Variants in RHOBTB2 observed in about 807,000 individuals in gnomAD.
RHOBTB2 encodes the protein Rho related BTB domain containing 2, also known as rho-related BTB domain-containing protein 2.
Under a neutral mutation model 66.5 loss-of-function variants are expected in RHOBTB2, and 39 were observed. The observed-to-expected ratio is 0.59, with a 90% confidence interval of 0.45 to 0.77. The LOEUF (loss-of-function observed/expected upper bound fraction) is 0.77. RHOBTB2 is among the 30% of genes least tolerant of loss of function. The pLI is 0.00. For missense variants in RHOBTB2, 755 were observed against 999.1 expected, an observed-to-expected ratio of 0.76 and a Z score of 3.29; for synonymous variants, 390 against 395.0, an observed-to-expected ratio of 0.99 and a Z score of 0.15.
the RHOBTB2 span, among the ~76,000 whole-genome samples, chr8:22,973,005 G>A: frequency 1.8e-3 from 275 of 152,200 alleles, 1 homozygote; most frequent in African/African-American, 6.2e-3. Flanking sequence ...CTCCCTTGCC[G>A]GGAACTTCTC....
At chr8:22,965,327 C>G in the RHOBTB2 span, among the ~76,000 whole-genome samples, 2 of 152,016 alleles carry the variant, frequency 1.3e-5, no homozygotes, top group Non-Finnish European at 2.9e-5. Flanking sequence ...AGATTGGAAG[C>G]CTTAATGTTG....
chr8:23,019,845 C>G lies in RHOBTB2; in HGVS notation c.*2376C>G, dbSNP rs1811443416. 5.4e-6 allele frequency: 1 copy of G among 185,640 alleles called. No homozygotes were observed. Among genetic ancestry groups the G allele is most frequent in the East Asian group, 1.5e-4 (1 of 6,864 alleles). 11.5% of individuals were successfully genotyped at this position (185,640 alleles called of 1,614,324 possible). ...CAACCCGGCAGCCCAGAGAACTCTC[C>G]TGGGAGGCTGTGGGTGAGCCAGGCC... On this transcript the variant is annotated 3_prime_UTR_variant, in exon 10 of 10. Coordinates refer to ENST00000251822, the MANE Select transcript of RHOBTB2 (RefSeq NM_015178.3).
the RHOBTB2 span, among the ~76,000 whole-genome samples, chr8:22,971,942 C>T: frequency 6.6e-6 from 1 of 152,196 alleles, no homozygotes; most frequent in African/African-American, 2.4e-5. Flanking sequence ...TCCTGGTATC[C>T]AGCTGCCTCC....
rs1425728433 is a variant in RHOBTB2, at chr8:23,019,304, G to A, written c.*1835G>A. On this transcript the variant is annotated 3_prime_UTR_variant, in exon 10 of 10. Coordinates refer to ENST00000251822, the MANE Select transcript of RHOBTB2 (RefSeq NM_015178.3). The stretch of plus-strand genomic sequence containing the variant: ...CTGGAGGACAAGCGGCTCTAACCCT[G>A]GGGGCGGCCATGTTGTCCAGGCCCA... 1 of 152,460 alleles carries A rather than the reference G, an allele frequency of 6.6e-6. No homozygotes were observed. The highest frequency in any genetic ancestry group is 6.5e-5 in the Admixed American group (1 of 15,284). 9.4% of individuals were successfully genotyped at this position (152,460 alleles called of 1,614,324 possible).
the RHOBTB2 span, among the ~76,000 whole-genome samples, chr8:22,954,193 G>T: frequency 6.6e-6 from 1 of 152,186 alleles, no homozygotes; most frequent in Non-Finnish European, 1.5e-5. Context: ...GCAATCCAAG[G>T]AATGGACACA....
Position 23,006,254 on chromosome 8 carries a change from G to T in RHOBTB2, c.482+109G>T, listed in dbSNP as rs566940972. On this transcript the variant is annotated intron_variant, in intron 4 of 9. Coordinates refer to ENST00000251822, the MANE Select transcript of RHOBTB2 (RefSeq NM_015178.3). The surrounding 1 kb of genome is among the most constrained non-coding windows in gnomAD (Gnocchi z 6.1). ...AGCCTCATATCTCTCCCTCCATTTGGAGCAAGCTTGCATTGGGAGTCAACA... is the reference window on the plus strand; with the variant it reads ...AGCCTCATATCTCTCCCTCCATTTGTAGCAAGCTTGCATTGGGAGTCAACA... The T allele has an allele frequency of 2.1e-5, 20 of 952,294 alleles. No homozygotes were observed. In the African/African-American group the frequency reaches 2.9e-4, roughly 14 times the overall value. 59.0% of individuals were successfully genotyped at this position (952,294 alleles called of 1,614,324 possible).
chr8:22,964,678 T>C, the RHOBTB2 span, among the ~76,000 whole-genome samples: 2 of 152,140 alleles, frequency 1.3e-5, no homozygotes, highest in Non-Finnish European at 2.9e-5. Context: ...TGGTAGTTTG[T>C]TGTCAGTGAG....
intron 1 of RHOBTB2, among the ~76,000 whole-genome samples, chr8:22,990,767 C>T (rs866330125): frequency 1.3e-5 from 2 of 152,278 alleles, no homozygotes; most frequent in South Asian, 4.1e-4. Flanking sequence ...CAGCAGCAGC[C>T]TGTGGCCCCC....
At chr8:22,957,256 T>G in the RHOBTB2 span, among the ~76,000 whole-genome samples, 12 of 152,228 alleles carry the variant, frequency 7.9e-5, 1 homozygote, top group East Asian at 1.7e-3. Flanking sequence ...GAGGCTGATC[T>G]TCACTGCTTG....
chr8:23,015,616 C>T (rs573669535), intron 8 of RHOBTB2, 22 bp from the exon 9 acceptor site: 28 of 1,541,484 alleles, frequency 1.8e-5, no homozygotes, highest in South Asian at 9.0e-5. Flanking sequence ...TCAGTACAGA[C>T]GTTCTTCCCT....
rs6991751 is a variant in RHOBTB2, at chr8:23,015,491, G to A, written c.1861-147G>A. The A allele has an allele frequency of 0.078, 46,250 of 596,714 alleles. 2,472 individuals carry two copies. Among genetic ancestry groups the A allele is most frequent in the South Asian group, 0.19 (9,491 of 50,374 alleles). 37.0% of individuals were successfully genotyped at this position (596,714 alleles called of 1,614,324 possible). On this transcript the variant is annotated intron_variant, in intron 8 of 9. Transcript: ENST00000251822. ...GCATCATCATCCTCAGTTTTGTGTG[G>A]CCTTGCCTCTGGCGCAGGCTCTCTA... is the stretch of plus-strand genomic sequence containing the variant.
chr8:22,995,796 T>C (rs776304815), upstream of RHOBTB2: 83 of 1,517,478 alleles, frequency 5.5e-5, no homozygotes, highest in Non-Finnish European at 7.4e-5. Context: ...TGGCAGGGGA[T>C]GGGGGGCGGA....
In RHOBTB2 at chr8:22,999,836, C is replaced by A. The variant is rs1253538276; in HGVS notation, c.-280C>A. On this transcript the variant is annotated 5_prime_UTR_variant, in exon 1 of 10. Transcript: ENST00000251822. Reference sequence around the variant, plus strand: ...CCGCCGTGACATTGGGCGCCTGGCGCGCGGGGCGATGCTGATCCGGAAGGG... The same window carrying A: ...CCGCCGTGACATTGGGCGCCTGGCGAGCGGGGCGATGCTGATCCGGAAGGG... 3.0e-6 allele frequency: 3 copies of A among 984,364 alleles called. No individual in the cohort carries two copies. Among genetic ancestry groups the A allele is most frequent in the Non-Finnish European group, 3.6e-6 (3 of 829,886 alleles). 61.0% of individuals were successfully genotyped at this position (984,364 alleles called of 1,614,324 possible).
chr8:22,958,939 T>C, the RHOBTB2 span, among the ~76,000 whole-genome samples: 4 of 151,838 alleles, frequency 2.6e-5, no homozygotes, highest in Admixed American at 6.5e-5. Context: ...CTGGCCACAA[T>C]TGGGGCCACT....
At position 22,999,902 on chromosome 8, in the gene RHOBTB2, C is replaced by G. The variant is rs2128801246; in HGVS notation, c.-214C>G. The G allele has an allele frequency of 1.0e-6, 1 of 985,278 alleles. No individual in the cohort carries two copies. Among genetic ancestry groups the G allele is most frequent in the East Asian group, 1.1e-4 (1 of 8,780 alleles). 61.0% of individuals were successfully genotyped at this position (985,278 alleles called of 1,614,324 possible). The stretch of plus-strand genomic sequence containing the variant: ...CAGCGCGCGCGTCCGCTCCTGGGCC[C>G]ACGTCCGGCCTGGGCTGCCCTGCCG... On this transcript the variant is annotated 5_prime_UTR_variant, in exon 1 of 10. Transcript: ENST00000251822.
chr8:23,011,735 G>A (rs1010754028), intron 7 of RHOBTB2, among the ~76,000 whole-genome samples: 7 of 152,176 alleles, frequency 4.6e-5, no homozygotes, highest in Non-Finnish European at 2.9e-5. Flanking sequence ...TGCTAGTGGT[G>A]GCGGCAGGGG....
the RHOBTB2 span, among the ~76,000 whole-genome samples, chr8:22,969,937 A>T: frequency 6.6e-6 from 1 of 152,030 alleles, no homozygotes; most frequent in African/African-American, 2.4e-5. Context: ...TTTTTTGTAG[A>T]GATGGGGTTT....
chr8:22,984,247 T>C (rs775720264), upstream of RHOBTB2, among the ~76,000 whole-genome samples: 50 of 152,148 alleles, frequency 3.3e-4, no homozygotes, highest in Admixed American at 4.6e-4. Context: ...GTACAAAATA[T>C]CTTCAAAGAC....
chr8:23,017,389 C>A lies in RHOBTB2; in HGVS notation c.2104C>A (p.Leu702Ile), dbSNP rs1351076421. 1 of 1,614,016 alleles carries A rather than the reference C, an allele frequency of 6.2e-7. No individual in the cohort carries two copies. Among genetic ancestry groups the A allele is most frequent in the Non-Finnish European group, 8.5e-7 (1 of 1,180,002 alleles). Residue 702 changes from leucine to isoleucine, a missense_variant, in exon 10 of 10, where the codon CTC becomes ATC. This residue lies in a region of RHOBTB2 where 353 missense variants were observed against 458.2 expected (regional missense o/e 0.77). Coordinates refer to ENST00000251822, the MANE Select transcript of RHOBTB2 (RefSeq NM_015178.3). This position sits in a 1 kb window ranked among gnomAD's most constrained non-coding sequence, Gnocchi z 5.3. ...HLKRQPKRRW[L>I]FWNSPSSPSS... ...CAAGCGGCAGCCCAAACGGCGTTGG[C>A]TCTTCTGGAACAGTCCATCCTCCCC...
Sources: allele counts gnomAD v4.1 joint callset (sites outside exome capture counted in the v4.1 genomes callset), GRCh38; gene constraint gnomAD v4.1.1; regional missense constraint gnomAD v4.1.1; non-coding constraint Gnocchi (gnomAD v3.1); transcripts MANE v1.5; gene names NCBI Gene and HGNC (gene_info 2026-07-23, HGNC 2026-07-21).